The following SHISA6 variants were observed in gnomAD, a reference collection of about 807,000 sequenced individuals.
SHISA6 encodes the protein shisa family member 6, also known as protein shisa-6.
SHISA6 carries 22 observed loss-of-function variants against 47.9 expected under a neutral mutation model. The observed-to-expected ratio is 0.46, with a 90% CI of 0.33 to 0.66. SHISA6 has a LOEUF of 0.66. Among genes scored for constraint, SHISA6 ranks in the 30% least tolerant of loss-of-function variants. The probability of loss-of-function intolerance (pLI) is 0.02; values close to 1 mark genes in which losing one functional copy is unlikely to be tolerated. For missense variants in SHISA6, 680 were observed against 764.6 expected (o/e 0.89, Z 1.30); for synonymous variants, 388 against 337.8 (o/e 1.15, Z -1.63).
chr17:11,437,323 T>C lies in SHISA6; in HGVS notation c.895+57814T>C, dbSNP rs140539088. Among the ~76,000 whole-genome samples the C allele has an allele frequency of 5.1e-3, 779 of 152,220 alleles. 8 individuals are homozygous for C. The highest frequency in any genetic ancestry group is 0.017 in the African/African-American group (709 of 41,540). On this transcript the variant is annotated intron_variant, in intron 3 of 5. Coordinates refer to ENST00000441885, the MANE Select transcript of SHISA6 (RefSeq NM_207386.4). Reference sequence around the variant, plus strand: ...GAGGACTGAGAGGACTCCCAGGGATTTGAGAGTGAGGCATAAACAGGAAAT... The same window carrying C: ...GAGGACTGAGAGGACTCCCAGGGATCTGAGAGTGAGGCATAAACAGGAAAT...
intron 2 of SHISA6, among the ~76,000 whole-genome samples, chr17:11,334,464 G>A (rs140402806): frequency 1.3e-5 from 2 of 152,272 alleles, no homozygotes; most frequent in Admixed American, 6.5e-5. Context: ...TCATGAACTT[G>A]GGCATGCAGG....
chr17:11,242,080 C>T lies in SHISA6; in HGVS notation c.638+20C>T, dbSNP rs529720241. 5 of 1,548,956 alleles carry T rather than the reference C, an allele frequency of 3.2e-6. No homozygotes were observed. In the African/African-American group the frequency reaches 4.1e-5, roughly 13 times the overall value. The stretch of plus-strand genomic sequence containing the variant: ...CCACAGGTGAGAGCGCCGCGTGCCG[C>T]GCGCCCCGGTCTCCCCGCGGCCTCA... On this transcript the variant is annotated intron_variant, in intron 1 of 5. Transcript: ENST00000441885.
chr17:11,319,576 T>C lies in SHISA6; in HGVS notation c.799+56050T>C, dbSNP rs188103938. Among the ~76,000 whole-genome samples the C allele has an allele frequency of 1.1e-3, 167 of 152,340 alleles. No homozygotes were observed. The Middle Eastern group carries it at 0.017, about 16-fold the overall frequency. On this transcript the variant is annotated intron_variant, in intron 2 of 5. Coordinates refer to ENST00000441885, the MANE Select transcript of SHISA6 (RefSeq NM_207386.4). ...CTCCTTGAGGAGTTGCAAATGTGGA[T>C]TGCCTTCTTACTTTTAAAATTAATA...
chr17:11,440,883 T>C (rs1915077013), intron 3 of SHISA6, among the ~76,000 whole-genome samples: 1 of 151,222 alleles, frequency 6.6e-6, no homozygotes, highest in African/African-American at 2.4e-5. Flanking sequence ...CATTGAGAGA[T>C]GGGAGAGAGG....
intron 3 of SHISA6, among the ~76,000 whole-genome samples, chr17:11,533,442 G>C (rs1431183335): frequency 6.6e-6 from 1 of 151,904 alleles, no homozygotes; most frequent in African/African-American, 2.4e-5. Context: ...CTATGACTCA[G>C]GCCCCATTCT....
At chr17:11,367,144 G>A (rs552532790) in intron 2 of SHISA6, among the ~76,000 whole-genome samples, 3 of 152,314 alleles carry the variant, frequency 2.0e-5, no homozygotes, top group South Asian at 4.1e-4. Context: ...AAATGGGACG[G>A]TGACTTGGCT....
chr17:11,386,749 A>C (rs1011400563), intron 3 of SHISA6, among the ~76,000 whole-genome samples: 1 of 152,220 alleles, frequency 6.6e-6, no homozygotes, highest in African/African-American at 2.4e-5. Context: ...CAGGCCACAT[A>C]TGACAGATAG....
rs190550465 is a variant in SHISA6 at position 11,557,285 on chromosome 17, A to G, written c.1106-469A>G. On this transcript the variant is annotated intron_variant, in intron 5 of 5. Coordinates refer to ENST00000441885, the MANE Select transcript of SHISA6 (RefSeq NM_207386.4). ...TCATCAGGAAGCTTCAAGAGCTGCTATTTGGATGTTTTAGTAAGACAGATA... is the reference window on the plus strand; with the variant it reads ...TCATCAGGAAGCTTCAAGAGCTGCTGTTTGGATGTTTTAGTAAGACAGATA... 9.0e-4 allele frequency among the ~76,000 whole-genome samples: 137 copies of G among 152,300 alleles called. 1 individual carries two copies. The highest frequency in any genetic ancestry group is 3.2e-3 in the African/African-American group (133 of 41,574).
chr17:11,547,126 A>G (rs1476190896), intron 3 of SHISA6, among the ~76,000 whole-genome samples: 1 of 152,166 alleles, frequency 6.6e-6, no homozygotes, highest in African/African-American at 2.4e-5. Context: ...TTAACACATC[A>G]CCCTCAGTCT....
At chr17:11,425,141 G>A (rs564064394) in intron 3 of SHISA6, among the ~76,000 whole-genome samples, 10 of 151,486 alleles carry the variant, frequency 6.6e-5, no homozygotes, top group Non-Finnish European at 1.5e-4. Context: ...AATTTTTAAA[G>A]AAATATATCT....
At chr17:11,373,748 A>G (rs1912700714) in intron 2 of SHISA6, among the ~76,000 whole-genome samples, 1 of 152,170 alleles carries the variant, frequency 6.6e-6, no homozygotes, top group South Asian at 2.1e-4. Context: ...ATTACATTTC[A>G]TTTGTACTGT....
At chr17:11,550,150 G>A (rs1482944311) in intron 3 of SHISA6, among the ~76,000 whole-genome samples, 1 of 151,946 alleles carries the variant, frequency 6.6e-6, no homozygotes, top group East Asian at 1.9e-4. Context: ...TGCCTCCCAG[G>A]TTCAAGTGAT....
chr17:11,341,624 G>A (rs59542248), intron 2 of SHISA6, among the ~76,000 whole-genome samples: 12,903 of 151,992 alleles, frequency 0.085, 852 homozygotes, highest in East Asian at 0.23. Context: ...GTGAGCCACC[G>A]CGCCTGCCCA....
intron 3 of SHISA6, among the ~76,000 whole-genome samples, chr17:11,497,577 G>A (rs1299314562): frequency 1.3e-5 from 2 of 152,210 alleles, no homozygotes; most frequent in Non-Finnish European, 1.5e-5. Flanking sequence ...TGCCACTTCA[G>A]GGATCAATCA....
chr17:11,488,958 G>A (rs1228017488), intron 3 of SHISA6, among the ~76,000 whole-genome samples: 1 of 152,150 alleles, frequency 6.6e-6, no homozygotes, highest in Non-Finnish European at 1.5e-5. Flanking sequence ...GGGAGTCCAC[G>A]CTGCTCCCTG....
chr17:11,500,437 T>C (rs186043918), intron 3 of SHISA6, among the ~76,000 whole-genome samples: 1 of 152,308 alleles, frequency 6.6e-6, no homozygotes, highest in East Asian at 1.9e-4. Context: ...AAAGCTGCCC[T>C]GGATGGAAGA....
chr17:11,517,070 G>A (rs79219702), intron 3 of SHISA6, among the ~76,000 whole-genome samples: 3,800 of 152,300 alleles, frequency 0.025, 151 homozygotes, highest in African/African-American at 0.086. Context: ...TCATAATGGT[G>A]TAAGTATCCA....
chr17:11,307,315 G>A (rs1239232565), intron 2 of SHISA6, among the ~76,000 whole-genome samples: 3 of 152,162 alleles, frequency 2.0e-5, no homozygotes, highest in African/African-American at 7.2e-5. Flanking sequence ...GTTTCAGGTT[G>A]ACAATGAGCT....
intron 2 of SHISA6, among the ~76,000 whole-genome samples, chr17:11,297,145 A>T (rs956012358): frequency 6.6e-6 from 1 of 152,060 alleles, no homozygotes; most frequent in South Asian, 2.1e-4. Flanking sequence ...TCAAGAACGT[A>T]CCTCTTATAG....
Sources: gnomAD v4.1 joint callset for allele counts (sites outside exome capture counted in the v4.1 genomes callset) on GRCh38, gnomAD v4.1.1 for gene constraint, MANE v1.5 for transcripts, NCBI Gene and HGNC (gene_info 2026-07-23, HGNC 2026-07-21) for gene names.